The following EYS variants were observed in gnomAD, a reference collection of about 807,000 sequenced individuals.
The protein encoded by EYS is protein eyes shut homolog.
A neutral mutation model predicts 282.1 loss-of-function variants in EYS; 250 were observed. That is an observed-to-expected ratio of 0.89 (90% CI 0.80 to 0.98). The LOEUF (loss-of-function observed/expected upper bound fraction) is 0.98. Among genes scored for constraint, EYS ranks in the 50% least tolerant of loss-of-function variants. The probability of loss-of-function intolerance (pLI) is 0.00; values close to 1 mark genes in which losing one functional copy is unlikely to be tolerated. For synonymous variants in EYS, 1,355 were observed against 1,282.9 expected (o/e 1.06, Z -1.20); for missense variants, 4,016 against 3,709.0 (o/e 1.08, Z -2.15).
intron 35 of EYS, among the ~76,000 whole-genome samples, chr6:63,927,066 C>T (rs1764737334): frequency 6.6e-6 from 1 of 152,182 alleles, no homozygotes; most frequent in African/African-American, 2.4e-5. Flanking sequence ...ATAAAATGGA[C>T]ATGGTCTTGG....
At chr6:65,458,344 C>G (rs1764705691) in intron 5 of EYS, among the ~76,000 whole-genome samples, 1 of 152,060 alleles carries the variant, frequency 6.6e-6, no homozygotes, top group Admixed American at 6.6e-5. Context: ...CTATGACTTG[C>G]TTGAGGACAG....
At chr6:64,397,347 G>C (rs1251804382) in intron 28 of EYS, among the ~76,000 whole-genome samples, 1 of 152,032 alleles carries the variant, frequency 6.6e-6, no homozygotes, top group Non-Finnish European at 1.5e-5. Flanking sequence ...CTCACATTCA[G>C]AAAGATTGTG....
At chr6:64,633,550 T>C (rs1462622054) in intron 22 of EYS, among the ~76,000 whole-genome samples, 2 of 151,514 alleles carry the variant, frequency 1.3e-5, no homozygotes, top group African/African-American at 2.4e-5. Flanking sequence ...ATGCATTATT[T>C]AGCAGTTTGT....
At chr6:64,964,008 G>C (rs997474206) in intron 14 of EYS, among the ~76,000 whole-genome samples, 1 of 152,140 alleles carries the variant, frequency 6.6e-6, no homozygotes, top group East Asian at 1.9e-4. Flanking sequence ...TTTCCTGTTA[G>C]AGATTAGAAA....
intron 37 of EYS, among the ~76,000 whole-genome samples, chr6:63,793,793 T>C (rs1345331643): frequency 6.6e-6 from 1 of 152,226 alleles, no homozygotes; most frequent in Non-Finnish European, 1.5e-5. Flanking sequence ...CTGTCTCTCC[T>C]TGGTGTCATC....
intron 13 of EYS, among the ~76,000 whole-genome samples, chr6:65,047,622 C>T (rs957154175): frequency 6.6e-5 from 10 of 151,940 alleles, no homozygotes; most frequent in Admixed American, 2.0e-4. Flanking sequence ...TCTCTACCTC[C>T]TGAAGTTGTA....
chr6:64,727,133 TA>T (rs775040695), intron 22 of EYS, among the ~76,000 whole-genome samples: 6 of 152,212 alleles, frequency 3.9e-5, no homozygotes, highest in Non-Finnish European at 7.4e-5. Context: ...CCAACAAATG[TA>T]AATAAATAAT....
intron 8 of EYS, among the ~76,000 whole-genome samples, chr6:65,366,200 T>C (rs1334503669): frequency 6.6e-6 from 1 of 151,678 alleles, no homozygotes; most frequent in Non-Finnish European, 1.5e-5. Context: ...GCGTTAGAAA[T>C]GGGACAGCAA....
chr6:64,769,764 C>T (rs551319007), intron 22 of EYS, among the ~76,000 whole-genome samples: 1 of 151,996 alleles, frequency 6.6e-6, no homozygotes, highest in East Asian at 1.9e-4. Flanking sequence ...AAGAAGGCAT[C>T]CAGCTGAACA....
At chr6:65,410,411 A>G (rs1453996411) in intron 5 of EYS, among the ~76,000 whole-genome samples, 1 of 152,006 alleles carries the variant, frequency 6.6e-6, no homozygotes, top group Non-Finnish European at 1.5e-5. Flanking sequence ...ATTCAAAACC[A>G]TCTCTTCTAG....
At chr6:64,526,844 C>T (rs1777933830) in intron 26 of EYS, among the ~76,000 whole-genome samples, 1 of 151,748 alleles carries the variant, frequency 6.6e-6, no homozygotes, top group East Asian at 1.9e-4. Context: ...GACTTATGTG[C>T]CACTATTTAT....
intron 2 of EYS, among the ~76,000 whole-genome samples, chr6:65,527,195 T>C (rs1269317157): frequency 6.6e-6 from 1 of 152,166 alleles, no homozygotes; most frequent in Non-Finnish European, 1.5e-5. Flanking sequence ...CTAGGAGTAG[T>C]ATATTCTGGT....
At chr6:65,251,073 T>G (rs1767311076) in intron 12 of EYS, among the ~76,000 whole-genome samples, 1 of 147,876 alleles carries the variant, frequency 6.8e-6, no homozygotes, top group Non-Finnish European at 1.5e-5. Flanking sequence ...GCACTGGCCT[T>G]AACACATATC....
At chr6:65,091,652 T>A (rs1161315536) in intron 12 of EYS, among the ~76,000 whole-genome samples, 1 of 152,120 alleles carries the variant, frequency 6.6e-6, no homozygotes, top group African/African-American at 2.4e-5. Context: ...ATTGTATTTA[T>A]CTGCTTCATA....
chr6:65,022,812 A>T (rs551743852), intron 13 of EYS, among the ~76,000 whole-genome samples: 1 of 151,980 alleles, frequency 6.6e-6, no homozygotes, highest in East Asian at 1.9e-4. Context: ...CTTATAATGC[A>T]TAAAGACATC....
chr6:64,665,167 T>A (rs1178090626), intron 22 of EYS, among the ~76,000 whole-genome samples: 1 of 152,238 alleles, frequency 6.6e-6, no homozygotes, highest in Admixed American at 6.5e-5. Flanking sequence ...GTAATAATGT[T>A]CTGGCATTTA....
At position 64,686,825 on chromosome 6, in the gene EYS, A is replaced by ATATATATATATGTG. The variant is rs1770142158; in HGVS notation, c.3444-60581_3444-60580insCACATATATATATA. 9.6e-4 allele frequency among the ~76,000 whole-genome samples: 17 copies of ATATATATATATGTG among 17,692 alleles called. 2 individuals carry two copies. The highest frequency in any genetic ancestry group is 1.7e-3 in the African/African-American group (17 of 9,738). The allele number at this position is 17,692 out of a possible 152,430, so 11.6% of individuals were successfully genotyped here. A position where few individuals can be genotyped will look rare whatever the true frequency, so the allele number is the denominator to read the frequency against. On this transcript the variant is annotated intron_variant, in intron 22 of 42. Transcript: ENST00000503581. ...TATATGTGTGTATATATATATGTGT[A>ATATATATATATGTG]TATATATATATACGTGTATATATAT...
rs532299956 is a variant in EYS at position 63,972,501 on chromosome 6, C to T, written c.7055+11882G>A. Among the ~76,000 whole-genome samples, 10 of 152,214 alleles carry T rather than the reference C, an allele frequency of 6.6e-5. 1 individual carries two copies. In the South Asian group the frequency reaches 1.7e-3, roughly 25 times the overall value. Reference sequence around the variant, plus strand: ...TAGTCCTTATGTGTAAGTCCCACTGCTAAAAATAGTTACTAAATCATTCAG... The same window carrying T: ...TAGTCCTTATGTGTAAGTCCCACTGTTAAAAATAGTTACTAAATCATTCAG... On this transcript the variant is annotated intron_variant, in intron 35 of 42. Transcript: ENST00000503581.
chr6:64,539,533 T>C (rs925117091), intron 26 of EYS, among the ~76,000 whole-genome samples: 5 of 152,134 alleles, frequency 3.3e-5, no homozygotes, highest in Non-Finnish European at 7.4e-5. Flanking sequence ...ATTATACCAC[T>C]GCACTCCAGC....
Sources: gnomAD v4.1 joint callset for allele counts (sites outside exome capture counted in the v4.1 genomes callset) on GRCh38, gnomAD v4.1.1 for gene constraint, MANE v1.5 for transcripts, NCBI Gene and HGNC (gene_info 2026-07-23, HGNC 2026-07-21) for gene names.